Variants in HK1 observed in about 807,000 individuals in gnomAD.
HK1 encodes the protein hexokinase 1.
In HK1, 28 loss-of-function variants were observed where a neutral mutation model predicts 91.6. The observed-to-expected ratio is 0.31, with a 90% confidence interval of 0.23 to 0.42. HK1 has a LOEUF of 0.42. Ranked by LOEUF, HK1 falls within the 10% of genes least tolerant of loss-of-function variation. The pLI is 1.00. For missense variants in HK1, 770 were observed against 1,219.8 expected (o/e 0.63, Z 5.49); for synonymous variants, 430 against 468.1 (o/e 0.92, Z 1.05).
intron 4 of HK1, among the ~76,000 whole-genome samples, chr10:69,367,884 T>C (rs1302352798): frequency 6.6e-6 from 1 of 152,210 alleles, no homozygotes; most frequent in East Asian, 1.9e-4. Context: ...AATTATAGAA[T>C]GTTTACCATT....
chr10:69,344,205 G>C (rs369999659), intron 2 of HK1, among the ~76,000 whole-genome samples: 6 of 152,070 alleles, frequency 3.9e-5, no homozygotes, highest in African/African-American at 1.4e-4. Flanking sequence ...TGTCTACTGA[G>C]ACCTTATGCC....
chr10:69,326,528 T>G (rs1224454163), intron 1 of HK1, among the ~76,000 whole-genome samples: 1 of 152,230 alleles, frequency 6.6e-6, no homozygotes, highest in Non-Finnish European at 1.5e-5. Flanking sequence ...CTCTTCTTGC[T>G]TCCTCTGTTT....
intron 8 of HK1, among the ~76,000 whole-genome samples, 162 bp downstream of exon 8, chr10:69,377,251 G>A (rs553714064): frequency 6.6e-6 from 1 of 152,200 alleles, no homozygotes; most frequent in East Asian, 1.9e-4. Context: ...TTCTGGGCCG[G>A]ACTCCCTGAA....
At chr10:69,356,721 A>G (rs981728103) in intron 2 of HK1, among the ~76,000 whole-genome samples, 1 of 152,046 alleles carries the variant, frequency 6.6e-6, no homozygotes, top group Admixed American at 6.5e-5. Flanking sequence ...CGTCTCTACT[A>G]AAAATACAAA....
chr10:69,295,445 G>T (rs5030917), intron 3 of HK1, among the ~76,000 whole-genome samples: 20,463 of 152,256 alleles, frequency 0.13, 1,838 homozygotes, highest in Admixed American at 0.24. Flanking sequence ...AATTGCACAT[G>T]ACTGAGCTCT....
At chr10:69,300,294 T>A in intron 4 of HK1, 1 of 313,138 alleles carries the variant, frequency 3.2e-6, no homozygotes, top group Non-Finnish European at 5.9e-6. Flanking sequence ...ATAAATATAA[T>A]CATACATATG....
intron 1 of HK1, among the ~76,000 whole-genome samples, chr10:69,320,304 G>T (rs139195854): frequency 6.6e-6 from 1 of 152,166 alleles, no homozygotes; most frequent in Non-Finnish European, 1.5e-5. Flanking sequence ...AGCCGCTGGG[G>T]ACCCTGCCGT....
intron 7 of HK1, among the ~76,000 whole-genome samples, chr10:69,370,321 TA>T (rs1849933235): frequency 6.7e-6 from 1 of 150,116 alleles, no homozygotes; most frequent in Non-Finnish European, 1.5e-5. Flanking sequence ...AGGAGCTCAG[TA>T]GCCCCTGAAA....
chr10:69,333,967 T>C (rs555374759), intron 1 of HK1, among the ~76,000 whole-genome samples: 2 of 152,126 alleles, frequency 1.3e-5, no homozygotes, highest in South Asian at 4.1e-4. Context: ...AAAAATTAGC[T>C]GGACATGGTG....
intron 5 of HK1, among the ~76,000 whole-genome samples, chr10:69,307,285 C>G (rs954085887): frequency 5.9e-5 from 9 of 152,136 alleles, no homozygotes; most frequent in Non-Finnish European, 1.3e-4. Flanking sequence ...ACCCCCACCC[C>G]CCGGGGGAGG....
At chr10:69,330,703 A>T (rs1232638453) in intron 1 of HK1, among the ~76,000 whole-genome samples, 1 of 152,158 alleles carries the variant, frequency 6.6e-6, no homozygotes, top group South Asian at 2.1e-4. Flanking sequence ...AGAAAGGGAC[A>T]TCCTTATCTC....
chr10:69,330,630 T>C (rs1657292580), intron 1 of HK1, among the ~76,000 whole-genome samples: 1 of 152,122 alleles, frequency 6.6e-6, no homozygotes, highest in Non-Finnish European at 1.5e-5. Flanking sequence ...GTCTCTCACC[T>C]TTCCCCTCCC....
intron 1 of HK1, among the ~76,000 whole-genome samples, chr10:69,329,659 T>TGGGG (rs1564516867): frequency 6.6e-6 from 1 of 152,190 alleles, no homozygotes; most frequent in African/African-American, 2.4e-5. Context: ...GCTGGTCCCC[T>TGGGG]GATTCAGAAA....
intron 4 of HK1, among the ~76,000 whole-genome samples, chr10:69,299,616 G>A (rs752387257): frequency 4.0e-5 from 6 of 150,400 alleles, no homozygotes; most frequent in Middle Eastern, 3.5e-3. Flanking sequence ...TGCCCAGCTC[G>A]GCCTCCCAAA....
At chr10:69,398,058 C>T (rs181709989) in intron 16 of HK1, among the ~76,000 whole-genome samples, 4 of 152,176 alleles carry the variant, frequency 2.6e-5, no homozygotes, top group Admixed American at 6.5e-5. Flanking sequence ...AGAAATTTAT[C>T]CTAAGGAAAA....
intron 7 of HK1, among the ~76,000 whole-genome samples, chr10:69,374,267 T>G (rs1190006637): frequency 2.0e-5 from 3 of 152,164 alleles, no homozygotes; most frequent in Admixed American, 2.0e-4. Flanking sequence ...AGGGCTCCTC[T>G]TTGGTGTGCA....
chr10:69,305,583 G>A (rs1286956947), intron 5 of HK1, among the ~76,000 whole-genome samples: 3 of 151,978 alleles, frequency 2.0e-5, no homozygotes, highest in African/African-American at 7.2e-5. Context: ...GGCTGGGTGT[G>A]GTAGTTCACA....
Position 69,364,111 on chromosome 10 carries a change from G to T in HK1, c.376-672G>T, listed in dbSNP as rs148430714. Among the ~76,000 whole-genome samples the T allele has an allele frequency of 5.2e-3, 796 of 152,328 alleles. 3 individuals are homozygous for T. The highest frequency in any genetic ancestry group is 0.027 in the Middle Eastern group (8 of 294). On this transcript the variant is annotated intron_variant, in intron 3 of 17. Transcript: ENST00000359426. ...CGGGGTGGCTGGCAGTTGCCCTTGG[G>T]CTGGGTGGTAGCGGTAGTGACTGCA... is the stretch of plus-strand genomic sequence containing the variant.
chr10:69,357,255 T>C (rs1345667585), intron 2 of HK1, among the ~76,000 whole-genome samples: 1 of 152,190 alleles, frequency 6.6e-6, no homozygotes. Flanking sequence ...CATAGTAGTG[T>C]TATTCATAAT....
Sources: allele counts gnomAD v4.1 joint callset (sites outside exome capture counted in the v4.1 genomes callset), GRCh38; gene constraint gnomAD v4.1.1; transcripts MANE v1.5; gene names NCBI Gene and HGNC (gene_info 2026-07-23, HGNC 2026-07-21).